KIF5B: variants seen among roughly 807,000 people sequenced by gnomAD.
KIF5B encodes kinesin-1 heavy chain.
A neutral mutation model predicts 132.8 loss-of-function variants in KIF5B; 49 were observed. The observed-to-expected ratio is 0.37, with a 90% CI of 0.29 to 0.47. The LOEUF is 0.47. KIF5B is among the 20% of genes least tolerant of loss of function. The pLI is 1.00. For missense variants in KIF5B, 780 were observed against 1,144.0 expected, an observed-to-expected ratio of 0.68 and a Z score of 4.59; for synonymous variants, 355 against 369.4, an observed-to-expected ratio of 0.96 and a Z score of 0.45.
intron 1 of KIF5B, among the ~76,000 whole-genome samples, chr10:32,053,284 C>CA (rs1376659100): frequency 6.6e-6 from 1 of 151,982 alleles, no homozygotes; most frequent in Non-Finnish European, 1.5e-5. Flanking sequence ...AAAAACTGAA[C>CA]AAAAATATGA....
At chr10:32,054,751 C>G (rs914488383) in intron 1 of KIF5B, among the ~76,000 whole-genome samples, 14 of 152,168 alleles carry the variant, frequency 9.2e-5, no homozygotes, top group Admixed American at 8.5e-4. Context: ...GTTTCGTATG[C>G]CATACTTTAC....
chr10:32,023,842 G>C (rs1485369301), intron 15 of KIF5B, among the ~76,000 whole-genome samples: 2 of 151,686 alleles, frequency 1.3e-5, no homozygotes, highest in African/African-American at 2.4e-5. Flanking sequence ...ACCCCTTTCA[G>C]AAAAATTAAC....
Position 32,010,028 on chromosome 10 carries a change from A to G in KIF5B, c.*1509T>C, listed in dbSNP as rs933811721. 1.3e-5 allele frequency: 2 copies of G among 152,208 alleles called. No homozygotes were observed. The highest frequency in any genetic ancestry group is 2.9e-5 in the Non-Finnish European group (2 of 68,024). The allele number at this position is 152,208 out of a possible 1,614,324, so 9.4% of individuals were successfully genotyped here. On this transcript the variant is annotated 3_prime_UTR_variant, in exon 26 of 26. Transcript: ENST00000302418. ...GTTACGGAAATAGAAAAATAAGCCAATTATGATCTGAGTCTTCTGACTATG... is the reference window on the plus strand; with the variant it reads ...GTTACGGAAATAGAAAAATAAGCCAGTTATGATCTGAGTCTTCTGACTATG...
chr10:32,046,284 T>G (rs765947185), intron 2 of KIF5B, among the ~76,000 whole-genome samples: 2 of 152,200 alleles, frequency 1.3e-5, no homozygotes, highest in Non-Finnish European at 2.9e-5. Flanking sequence ...GAGACAGAAG[T>G]ATGTCTCAAT....
At chr10:32,053,024 AAAC>A (rs1841713440) in intron 1 of KIF5B, among the ~76,000 whole-genome samples, 1 of 152,272 alleles carries the variant, frequency 6.6e-6, no homozygotes, top group African/African-American at 2.4e-5. Context: ...CTAACATCAT[AAAC>A]TACAATATTC....
intron 1 of KIF5B, among the ~76,000 whole-genome samples, chr10:32,052,560 A>G (rs1433277702): frequency 6.6e-6 from 1 of 150,976 alleles, no homozygotes; most frequent in Non-Finnish European, 1.5e-5. Flanking sequence ...ATGATTCATA[A>G]ATAGATAGAT....
chr10:32,014,549 AAGAGAGAGAG>A (rs150457811), intron 25 of KIF5B, among the ~76,000 whole-genome samples: 1 of 149,848 alleles, frequency 6.7e-6, no homozygotes, highest in East Asian at 2.0e-4. Flanking sequence ...AAGCTCCAGA[AAGAGAGAGAG>A]AGAGAGAGAG....
Position 32,056,043 on chromosome 10 carries a change from AC to A in KIF5B, c.-71del. The A allele has an allele frequency of 6.4e-7, 1 of 1,571,698 alleles. No individual in the cohort carries two copies. Among genetic ancestry groups the A allele is most frequent in the African/African-American group, 1.4e-5 (1 of 73,608 alleles). ...CTCAGTCTTGCAGGGAACGCGCCGG[AC>A]CTGAGGGCTTGTGGTCGCGAGGGCC... On this transcript the variant is annotated 5_prime_UTR_variant, in exon 1 of 26. Coordinates refer to ENST00000302418, the MANE Select transcript of KIF5B (RefSeq NM_004521.3).
chr10:32,043,359 G>A (rs551128450), intron 2 of KIF5B, among the ~76,000 whole-genome samples: 2 of 152,134 alleles, frequency 1.3e-5, no homozygotes, highest in Non-Finnish European at 2.9e-5. Flanking sequence ...ACACAGAGAG[G>A]TTAAATAACT....
chr10:32,035,793 T>C (rs899850790), intron 9 of KIF5B, 97 bp downstream of exon 9: 19 of 1,262,138 alleles, frequency 1.5e-5, no homozygotes, highest in Admixed American at 1.3e-4. Context: ...TCTCTCTTTC[T>C]CTCTCTCTCT....
intron 13 of KIF5B, among the ~76,000 whole-genome samples, 193 bp downstream of exon 13, chr10:32,032,513 G>A (rs2907822): frequency 0.97 from 148,306 of 152,298 alleles, 72,332 homozygotes; most frequent in Middle Eastern, 1. Context: ...AAAAGATGGC[G>A]GAAATGAACA....
rs1355369363 is a variant in KIF5B, at chr10:32,022,859, G to A, written c.1903C>T (p.Arg635Cys). ...NEKELAACQL[R>C]ISQHEAKIKS... ...GTTCTATAACATACTTGAGAGATAC[G>A]AAGCTGACATGCTGCTAACTCCTTT... is the stretch of plus-strand genomic sequence containing the variant. Residue 635 changes from arginine to cysteine, a missense_variant, in exon 16 of 26, where the codon CGT (arginine) becomes TGT (cysteine). This residue lies in a region of KIF5B where 471 missense variants were observed against 569.9 expected (regional missense o/e 0.83). Coordinates refer to ENST00000302418, the MANE Select transcript of KIF5B (RefSeq NM_004521.3). The A allele has an allele frequency of 3.7e-6, 6 of 1,607,364 alleles. No homozygotes were observed. Among genetic ancestry groups the A allele is most frequent in the Admixed American group, 3.3e-5 (2 of 59,820 alleles).
Position 32,039,344 on chromosome 10 carries a change from A to G in KIF5B, c.376T>C (p.Leu126=). 1 of 1,272,044 alleles carries G rather than the reference A, an allele frequency of 7.9e-7. No individual in the cohort carries two copies. Among genetic ancestry groups the G allele is most frequent in the East Asian group, 2.4e-5 (1 of 41,300 alleles). 78.8% of individuals were successfully genotyped at this position (1,272,044 alleles called of 1,614,324 possible). A position where few individuals can be genotyped will look rare whatever the true frequency, so the allele number is the denominator to read the frequency against. The change falls in exon 4 of 26, where the codon TTG becomes CTG. Residue 126 remains leucine (L), a synonymous_variant. Coordinates refer to ENST00000302418, the MANE Select transcript of KIF5B (RefSeq NM_004521.3). The stretch of plus-strand genomic sequence containing the variant: ...GAATTTACCTTAATATGAAATTCCA[A>G]ATTTTCATCCATGGAGTAAATATAA... The part of the protein sequence containing the change: ...FNYIYSMDEN[L]EFHIKVSYFE...
At chr10:32,043,639 A>G (rs1395088447) in intron 2 of KIF5B, among the ~76,000 whole-genome samples, 2 of 152,244 alleles carry the variant, frequency 1.3e-5, no homozygotes, top group African/African-American at 4.8e-5. Context: ...GCTACTTAAC[A>G]CAAGGGAAAC....
chr10:32,019,953 GT>G lies in KIF5B; in HGVS notation c.2210del (p.Asn737ThrfsTer4). The G allele has an allele frequency of 6.2e-7, 1 of 1,601,250 alleles. No homozygotes were observed. Among genetic ancestry groups the G allele is most frequent in the Non-Finnish European group, 8.5e-7 (1 of 1,175,586 alleles). ...GTTCCTGCTCTAACATCATTTTCTG[GT>G]TTTGGCTGACGAAAGAAAAAAATAA... ...AKLITDLQDQ[N>X]QKMMLEQERL... On this transcript the variant is annotated frameshift_variant, in exon 20 of 26. Coordinates refer to ENST00000302418, the MANE Select transcript of KIF5B (RefSeq NM_004521.3). LOFTEE classifies it high-confidence loss of function.
intron 1 of KIF5B, among the ~76,000 whole-genome samples, chr10:32,049,738 A>C (rs916932869): frequency 1.3e-5 from 2 of 152,184 alleles, no homozygotes; most frequent in African/African-American, 4.8e-5. Context: ...TGAACAAAAA[A>C]AAAAAATCAG....
At chr10:32,021,623 G>C (rs557793108) in intron 17 of KIF5B, among the ~76,000 whole-genome samples, 1 of 151,214 alleles carries the variant, frequency 6.6e-6, no homozygotes, top group African/African-American at 2.4e-5. Context: ...CTTCGTAACT[G>C]TGGGAAATCC....
intron 6 of KIF5B, among the ~76,000 whole-genome samples, chr10:32,037,863 G>A (rs995860263): frequency 6.6e-6 from 1 of 152,020 alleles, no homozygotes; most frequent in Non-Finnish European, 1.5e-5. Context: ...TGTAATCCCA[G>A]CACTTTGGGA....
Sources: gnomAD v4.1 joint callset for allele counts (sites outside exome capture counted in the v4.1 genomes callset) on GRCh38, gnomAD v4.1.1 for gene constraint, gnomAD v4.1.1 regional missense constraint, MANE v1.5 for transcripts, NCBI Gene and HGNC (gene_info 2026-07-23, HGNC 2026-07-21) for gene names.